The following ZNF420 variants were observed in gnomAD, a reference collection of about 807,000 sequenced individuals.
ZNF420 encodes zinc finger protein 420.
A neutral mutation model predicts 44.7 loss-of-function variants in ZNF420; 31 were observed. That is an observed-to-expected ratio of 0.69 (90% CI 0.52 to 0.94). The LOEUF (loss-of-function observed/expected upper bound fraction) is 0.94. Among genes scored for constraint, ZNF420 ranks in the 40% least tolerant of loss-of-function variants. ZNF420 has a pLI of 0.00. For missense variants in ZNF420, 681 were observed against 827.9 expected, an observed-to-expected ratio of 0.82 and a Z score of 2.18; for synonymous variants, 245 against 267.4, an observed-to-expected ratio of 0.92 and a Z score of 0.82.
At chr19:37,125,456 T>A (rs1034190844) in intron 4 of ZNF420, among the ~76,000 whole-genome samples, 5 of 152,148 alleles carry the variant, frequency 3.3e-5, no homozygotes, top group African/African-American at 1.2e-4. Context: ...GTAAGGAAGT[T>A]ATAGGGAAAC....
In ZNF420 at chr19:37,130,361, A is replaced by T; in HGVS notation, c.*1303A>T. The T allele has an allele frequency of 3.9e-6, 5 of 1,269,194 alleles. No homozygotes were observed. The highest frequency in any genetic ancestry group is 5.0e-6 in the Non-Finnish European group (5 of 999,968). The allele number at this position is 1,269,194 out of a possible 1,614,324, so 78.6% of individuals were successfully genotyped here. A position where few individuals can be genotyped will look rare whatever the true frequency, so the allele number is the denominator to read the frequency against. On this transcript the variant is annotated 3_prime_UTR_variant, in exon 5 of 5. Transcript: ENST00000337995. ...TTATTGACAATAAAAATTCTTAAGG[A>T]TATAAAATTTTGTACCTGGAAGTGG...
intron 1 of ZNF420, among the ~76,000 whole-genome samples, chr19:37,037,038 C>T (rs1967367710): frequency 6.6e-6 from 1 of 152,192 alleles, no homozygotes; most frequent in Admixed American, 6.5e-5. Flanking sequence ...CCTGTCCTCA[C>T]TTGAGAAGCC....
At chr19:37,115,129 C>T (rs1178173003) in intron 4 of ZNF420, 1 of 174,900 alleles carries the variant, frequency 5.7e-6, no homozygotes, top group Non-Finnish European at 1.2e-5. Context: ...CTCTCGTTGA[C>T]TTGTCCTCAT....
chr19:37,114,226 A>G (rs114223934), intron 4 of ZNF420, among the ~76,000 whole-genome samples: 2,266 of 152,172 alleles, frequency 0.015, 25 homozygotes, highest in African/African-American at 0.029. Flanking sequence ...ATTAAATCTC[A>G]TAGTGGGCTG....
chr19:37,063,236 G>C (rs1319647853), intron 1 of ZNF420, among the ~76,000 whole-genome samples: 1 of 152,098 alleles, frequency 6.6e-6, no homozygotes, highest in African/African-American at 2.4e-5. Context: ...AGAAATTAAA[G>C]AGTGTGTAAG....
intron 1 of ZNF420, among the ~76,000 whole-genome samples, chr19:37,032,607 C>G (rs1244426664): frequency 1.3e-5 from 2 of 151,592 alleles, no homozygotes; most frequent in African/African-American, 4.8e-5. Context: ...GAGTTCGAGA[C>G]AAGCCTTACC....
At chr19:37,073,762 AAAAAG>A (rs1328317758), upstream of ZNF420, among the ~76,000 whole-genome samples, 157 of 151,586 alleles carry the variant, frequency 1.0e-3, no homozygotes, top group African/African-American at 3.7e-3. Context: ...AAAAAAAAAA[AAAAAG>A]AAAAGAAAAG....
chr19:37,090,854 A>C (rs572875304), intron 3 of ZNF420, 141 bp from the exon 4 acceptor site: 20 of 733,054 alleles, frequency 2.7e-5, no homozygotes, highest in Middle Eastern at 4.7e-4. Context: ...TAGGAGGCGG[A>C]GGTTGCAGCG....
intron 1 of ZNF420, among the ~76,000 whole-genome samples, chr19:37,048,320 T>C (rs1967576490): frequency 6.6e-6 from 1 of 152,350 alleles, no homozygotes; most frequent in Non-Finnish European, 1.5e-5. Context: ...TTAATTGATG[T>C]GACACACATT....
chr19:37,102,327 T>C (rs1309968803), intron 4 of ZNF420, among the ~76,000 whole-genome samples: 5 of 152,184 alleles, frequency 3.3e-5, no homozygotes, highest in Non-Finnish European at 1.5e-5. Flanking sequence ...TACGGATGAA[T>C]CTTACTCTGG....
chr19:37,108,498 G>A (rs1970216875), intron 4 of ZNF420: 1 of 152,116 alleles, frequency 6.6e-6, no homozygotes, highest in Non-Finnish European at 1.5e-5. Flanking sequence ...ATATAAGGGC[G>A]CTTTATACAA....
chr19:37,097,158 A>G (rs1057174462), intron 4 of ZNF420, among the ~76,000 whole-genome samples: 7 of 152,054 alleles, frequency 4.6e-5, no homozygotes, highest in Non-Finnish European at 7.4e-5. Flanking sequence ...CGGCCTCCCA[A>G]AGTGCTGGGA....
At chr19:37,073,696 G>A (rs1412212142), upstream of ZNF420, among the ~76,000 whole-genome samples, 1 of 144,968 alleles carries the variant, frequency 6.9e-6, no homozygotes, top group African/African-American at 2.6e-5. Flanking sequence ...GCCGAGCCGA[G>A]ATCATGCCAC....
chr19:37,010,889 A>G (rs1240803329), intron 1 of ZNF420, among the ~76,000 whole-genome samples: 1 of 152,172 alleles, frequency 6.6e-6, no homozygotes, highest in Non-Finnish European at 1.5e-5. Flanking sequence ...AGGGGAGCAG[A>G]CAAACGTCAA....
intron 1 of ZNF420, among the ~76,000 whole-genome samples, chr19:37,070,675 A>G (rs1247911833): frequency 6.6e-6 from 1 of 152,222 alleles, no homozygotes; most frequent in Non-Finnish European, 1.5e-5. Flanking sequence ...AAGCAGAGAA[A>G]TGCAAATTAA....
At chr19:37,041,173 ATTAG>A (rs1429898475) in intron 1 of ZNF420, among the ~76,000 whole-genome samples, 2 of 151,992 alleles carry the variant, frequency 1.3e-5, no homozygotes, top group East Asian at 1.9e-4. Flanking sequence ...AAAATAAAAA[ATTAG>A]TTAGGCATAG....
intron 4 of ZNF420, 76 bp from the exon 5 acceptor site, chr19:37,127,052 G>A (rs1452736229): frequency 1.6e-6 from 2 of 1,237,682 alleles, no homozygotes; most frequent in African/African-American, 3.1e-5. Context: ...ATTTCTTATG[G>A]GCATTATTTT....
At chr19:37,114,163 T>C (rs748094302) in intron 4 of ZNF420, among the ~76,000 whole-genome samples, 15 of 152,166 alleles carry the variant, frequency 9.9e-5, no homozygotes, top group South Asian at 4.1e-4. Flanking sequence ...TTTTCTTGCC[T>C]TATCAATAAT....
intron 4 of ZNF420, among the ~76,000 whole-genome samples, 178 bp from the exon 5 acceptor site, chr19:37,126,950 G>C (rs1238531054): frequency 6.6e-6 from 1 of 151,694 alleles, no homozygotes; most frequent in Non-Finnish European, 1.5e-5. Context: ...ACTGTTTTAT[G>C]AAACTGTATA....
Sources: gnomAD v4.1 joint callset for allele counts (sites outside exome capture counted in the v4.1 genomes callset) on GRCh38, gnomAD v4.1.1 for gene constraint, MANE v1.5 for transcripts, NCBI Gene and HGNC (gene_info 2026-07-23, HGNC 2026-07-21) for gene names.